Variants in FAM161A observed in about 807,000 individuals in gnomAD.
The protein encoded by FAM161A is protein FAM161A.
Under a neutral mutation model 70.9 loss-of-function variants are expected in FAM161A, and 57 were observed. The observed-to-expected ratio is 0.80, with a 90% CI of 0.65 to 1.00. The LOEUF (loss-of-function observed/expected upper bound fraction) is 1.00, where lower values mean the gene tolerates loss of function less well. FAM161A is among the 50% of genes least tolerant of loss of function. The pLI is 0.00. For missense variants in FAM161A, 880 were observed against 836.0 expected (o/e 1.05, Z -0.65); for synonymous variants, 299 against 295.7 (o/e 1.01, Z -0.12).
intron 4 of FAM161A, among the ~76,000 whole-genome samples, chr2:61,838,118 C>G (rs1672840736): frequency 6.6e-6 from 1 of 152,202 alleles, no homozygotes; most frequent in Admixed American, 6.5e-5. Context: ...TAAACATTAA[C>G]ATATGTGCTA....
the FAM161A span, among the ~76,000 whole-genome samples, chr2:61,819,161 C>T: frequency 6.6e-6 from 1 of 152,276 alleles, no homozygotes; most frequent in East Asian, 1.9e-4. Context: ...AGGCAGAGAG[C>T]TGTCTAGACA....
At chr2:61,812,025 T>C in the FAM161A span, among the ~76,000 whole-genome samples, 1 of 152,152 alleles carries the variant, frequency 6.6e-6, no homozygotes, top group Non-Finnish European at 1.5e-5. Flanking sequence ...GGGTACGTTC[T>C]GTTCCTCTAT....
chr2:61,807,158 A>C, the FAM161A span, among the ~76,000 whole-genome samples: 1 of 152,170 alleles, frequency 6.6e-6, no homozygotes, highest in Admixed American at 6.5e-5. Context: ...AGGGCTTGCT[A>C]ATTGAAGTTG....
At chr2:61,847,569 C>T (rs1028324953) in intron 1 of FAM161A, among the ~76,000 whole-genome samples, 1 of 152,034 alleles carries the variant, frequency 6.6e-6, no homozygotes. Flanking sequence ...CCAGGAGTTT[C>T]AGACCAGCCT....
chr2:61,827,227 TA>T lies in FAM161A; in HGVS notation c.1882del (p.Tyr628IlefsTer5). On this transcript the variant is annotated frameshift_variant, in exon 6 of 7. Coordinates refer to ENST00000404929, the MANE Select transcript of FAM161A (RefSeq NM_001201543.2). LOFTEE classifies it high-confidence loss of function. ...KNARMAAEKHYSNTLKALGIS... is the reference protein window; with the variant it reads ...KNARMAAEKHXSNTLKALGIS... ...TCCTAGTGCTTTTAGGGTATTAGAA[TA>T]ATGCTTTTCTGCTGCCATTCTTGCA... The T allele has an allele frequency of 6.2e-7, 1 of 1,613,828 alleles. No individual in the cohort carries two copies. The highest frequency in any genetic ancestry group is 1.1e-5 in the South Asian group (1 of 91,090).
At chr2:61,808,279 T>A in the FAM161A span, among the ~76,000 whole-genome samples, 23,983 of 151,232 alleles carry the variant, frequency 0.16, 1,910 homozygotes, top group Middle Eastern at 0.18. Flanking sequence ...TTATTATTTT[T>A]TTTTTTTTTT....
chr2:61,839,684 T>C lies in FAM161A; in HGVS notation c.1320A>G (p.Lys440=), dbSNP rs1359591402. ...DFEDLPERYQ[K]HLSEHKSPKL... ...TTGGAGACTTGTGTTCTGAGAGGTG[T>C]TTCTGGTATCTCTCAGGAAGGTCCT... The change falls in exon 3 of 7, where the codon AAA becomes AAG. Residue 440 remains lysine, a synonymous_variant. Coordinates refer to ENST00000404929, the MANE Select transcript of FAM161A (RefSeq NM_001201543.2). The C allele has an allele frequency of 1.2e-6, 2 of 1,614,174 alleles. No individual in the cohort carries two copies. The highest frequency in any genetic ancestry group is 1.7e-6 in the Non-Finnish European group (2 of 1,180,034).
Position 61,825,224 on chromosome 2 carries a change from GA to G in FAM161A, c.*1230del, listed in dbSNP as rs780914371. On this transcript the variant is annotated 3_prime_UTR_variant, in exon 7 of 7. Coordinates refer to ENST00000404929, the MANE Select transcript of FAM161A (RefSeq NM_001201543.2). ...ATTTTAAAACAAAAATTTGCTTAAA[GA>G]AAAAAATATAGATTTATAAAATCAG... 25 of 437,674 alleles carry G rather than the reference GA, an allele frequency of 5.7e-5. No homozygotes were observed. Among genetic ancestry groups the G allele is most frequent in the African/African-American group, 1.8e-4 (9 of 48,922 alleles). The allele number at this position is 437,674 out of a possible 1,614,324, so 27.1% of individuals were successfully genotyped here.
At chr2:61,803,541 C>T in the FAM161A span, among the ~76,000 whole-genome samples, 12 of 152,318 alleles carry the variant, frequency 7.9e-5, no homozygotes, top group South Asian at 8.3e-4. Flanking sequence ...TAAGGCCGGG[C>T]GCAGTGGCTT....
At chr2:61,838,493 G>T (rs1006430958) in intron 4 of FAM161A, 45 bp downstream of exon 4, 2 of 1,493,448 alleles carry the variant, frequency 1.3e-6, no homozygotes, top group Non-Finnish European at 9.2e-7. Context: ...AAAAAAAAGA[G>T]TTTGAAAACC....
At chr2:61,818,933 G>T in the FAM161A span, among the ~76,000 whole-genome samples, 1 of 152,242 alleles carries the variant, frequency 6.6e-6, no homozygotes, top group East Asian at 1.9e-4. Flanking sequence ...TTAACCAAGT[G>T]ATCAAATTTA....
intron 5 of FAM161A, among the ~76,000 whole-genome samples, chr2:61,831,279 T>C (rs1439504613): frequency 6.6e-6 from 1 of 151,396 alleles, no homozygotes; most frequent in Non-Finnish European, 1.5e-5. Context: ...TTACTTTCCT[T>C]TTTTTTTTCT....
the FAM161A span, among the ~76,000 whole-genome samples, chr2:61,816,231 G>C: frequency 6.6e-6 from 1 of 152,144 alleles, no homozygotes; most frequent in African/African-American, 2.4e-5. Flanking sequence ...GCTATGCATA[G>C]AAGTCTTACT....
At chr2:61,849,970 G>A (rs1673440049) in intron 1 of FAM161A, among the ~76,000 whole-genome samples, 1 of 151,538 alleles carries the variant, frequency 6.6e-6, no homozygotes, top group Admixed American at 6.6e-5. Flanking sequence ...ACCACCAGGT[G>A]GGGAGGGAGG....
At position 61,853,958 on chromosome 2, in the gene FAM161A, G is replaced by A. The variant is rs1276511406; in HGVS notation, c.84C>T (p.Ala28=). 1.2e-6 allele frequency: 2 copies of A among 1,613,878 alleles called. No homozygotes were observed. The highest frequency in any genetic ancestry group is 1.7e-6 in the Non-Finnish European group (2 of 1,179,822). ...PVNPITGARV[A]QYEREDPLKA... ...TTAAGGGGTCTTCGCGTTCGTACTG[G>A]GCGACCCGCGCTCCAGTGATGGGAT... The change falls in exon 1 of 7, where the codon GCC becomes GCT. Residue 28 remains alanine, a synonymous_variant. Transcript: ENST00000404929.
In FAM161A at chr2:61,854,025, C is replaced by A; in HGVS notation, c.17G>T (p.Arg6Leu). MATSHRVAKLVASSLQ... is the reference protein window; with the variant it reads MATSHLVAKLVASSLQ... ...ACTGGAGGCCACCAGCTTCGCCACT[C>A]GGTGGGAGGTGGCCATCGCCCCGCC... Residue 6 changes from arginine (R) to leucine (L), a missense_variant, in exon 1 of 7, where the codon CGA becomes CTA. Coordinates refer to ENST00000404929, the MANE Select transcript of FAM161A (RefSeq NM_001201543.2). 6.2e-7 allele frequency: 1 copy of A among 1,610,608 alleles called. No individual in the cohort carries two copies. Among genetic ancestry groups the A allele is most frequent in the South Asian group, 1.1e-5 (1 of 90,668 alleles).
At chr2:61,843,416 C>A (rs542528088) in intron 1 of FAM161A, among the ~76,000 whole-genome samples, 1 of 152,168 alleles carries the variant, frequency 6.6e-6, no homozygotes, top group East Asian at 1.9e-4. Context: ...CATGAGCCAC[C>A]GTGCCCTACC....
the FAM161A span, among the ~76,000 whole-genome samples, chr2:61,814,131 G>T: frequency 3.9e-5 from 6 of 152,304 alleles, no homozygotes; most frequent in East Asian, 9.7e-4. Context: ...GAGACAAGGA[G>T]CATGAGGTTT....
At chr2:61,849,355 T>C (rs925851585) in intron 1 of FAM161A, among the ~76,000 whole-genome samples, 16 of 150,866 alleles carry the variant, frequency 1.1e-4, no homozygotes, top group African/African-American at 3.7e-4. Flanking sequence ...AAGAGAAGAA[T>C]GTCACCTGGT....
Sources: allele counts gnomAD v4.1 joint callset (sites outside exome capture counted in the v4.1 genomes callset), GRCh38; gene constraint gnomAD v4.1.1; transcripts MANE v1.5; gene names NCBI Gene and HGNC (gene_info 2026-07-23, HGNC 2026-07-21).